Variants in AGO1 observed in about 807,000 individuals in gnomAD.
AGO1 encodes protein argonaute-1.
Under a neutral mutation model 109.2 loss-of-function variants are expected in AGO1, and 11 were observed. The ratio of observed to expected loss-of-function variants is 0.10; its 90% CI spans 0.06 to 0.17. The LOEUF is 0.17. Among genes scored for constraint, AGO1 ranks in the 10% least tolerant of loss-of-function variants. The pLI is 1.00. For missense variants in AGO1, 574 were observed against 1,140.3 expected (o/e 0.50, Z 7.15); for synonymous variants, 422 against 418.6 (o/e 1.01, Z -0.10).
At chr1:35,881,276 C>G (rs532265196), upstream of AGO1, among the ~76,000 whole-genome samples, 1 of 152,094 alleles carries the variant, frequency 6.6e-6, no homozygotes, top group Non-Finnish European at 1.5e-5. Context: ...CCTACTGAAT[C>G]GAAAACTCTA....
rs763454879 is a variant in AGO1 at position 35,883,259 on chromosome 1, C to A, written c.-163C>A. On this transcript the variant is annotated 5_prime_UTR_variant, in exon 1 of 19. Transcript: ENST00000373204. This position sits in a 1 kb window ranked among gnomAD's most constrained non-coding sequence, Gnocchi z 5.4. Reference sequence around the variant, plus strand: ...GTGGGAGCTGCTGCAGGCTCCGCGGCGGCGGCAACGGAGGCTGCGGGGGCG... The same window carrying A: ...GTGGGAGCTGCTGCAGGCTCCGCGGAGGCGGCAACGGAGGCTGCGGGGGCG... 1 of 1,350,808 alleles carries A rather than the reference C, an allele frequency of 7.4e-7. No homozygotes were observed. Among genetic ancestry groups the A allele is most frequent in the East Asian group, 3.2e-5 (1 of 31,184 alleles). 83.7% of individuals were successfully genotyped at this position (1,350,808 alleles called of 1,614,324 possible). A position where few individuals can be genotyped will look rare whatever the true frequency, so the allele number is the denominator to read the frequency against.
rs893706036 is a variant in AGO1 at position 35,926,851 on chromosome 1, T to C, written c.*7244T>C. On this transcript the variant is annotated 3_prime_UTR_variant, in exon 19 of 19. Coordinates refer to ENST00000373204, the MANE Select transcript of AGO1 (RefSeq NM_012199.5). ...TATCATACCAAGGTTTTTTAGGCCTTTGTGGCTTACCCTGCAGGAACATAC... is the reference window on the plus strand; with the variant it reads ...TATCATACCAAGGTTTTTTAGGCCTCTGTGGCTTACCCTGCAGGAACATAC... The C allele has an allele frequency of 5.3e-5, 8 of 152,164 alleles. No homozygotes were observed. The highest frequency in any genetic ancestry group is 1.7e-4 in the African/African-American group (7 of 41,440). 9.4% of individuals were successfully genotyped at this position (152,164 alleles called of 1,614,324 possible).
In AGO1 at chr1:35,893,383, A is replaced by T; in HGVS notation, c.512+105A>T. 1.6e-6 allele frequency: 2 copies of T among 1,276,740 alleles called. No individual in the cohort carries two copies. The highest frequency in any genetic ancestry group is 2.1e-6 in the Non-Finnish European group (2 of 932,056). The allele number at this position is 1,276,740 out of a possible 1,614,324, so 79.1% of individuals were successfully genotyped here. On this transcript the variant is annotated intron_variant, in intron 4 of 18. Coordinates refer to ENST00000373204, the MANE Select transcript of AGO1 (RefSeq NM_012199.5). The surrounding 1 kb of genome is among the most constrained non-coding windows in gnomAD (Gnocchi z 5.6). Reference sequence around the variant, plus strand: ...TCCCACAGAGTGCCATTAAAAAAAAAAATTATTTGAAGCCCTACCACTTGC... The same window carrying T: ...TCCCACAGAGTGCCATTAAAAAAAATAATTATTTGAAGCCCTACCACTTGC...
At chr1:35,904,395 G>A (rs1339719611) in intron 11 of AGO1, among the ~76,000 whole-genome samples, 10 of 152,230 alleles carry the variant, frequency 6.6e-5, no homozygotes, top group African/African-American at 1.7e-4. Flanking sequence ...GTGAGCCATC[G>A]TGCCTGGCCT....
At chr1:35,879,308 T>A (rs1435888007), upstream of AGO1, among the ~76,000 whole-genome samples, 2 of 151,168 alleles carry the variant, frequency 1.3e-5, no homozygotes, top group African/African-American at 4.9e-5. Context: ...ATTAGCCAGG[T>A]GTGGTGGTGC....
Position 35,901,478 on chromosome 1 carries a change from G to A in AGO1, c.1025G>A (p.Cys342Tyr). Residue 342 changes from cysteine (C) to tyrosine (Y), a missense_variant, in exon 9 of 19, where the codon TGT (cysteine) becomes TAT (tyrosine). Coordinates refer to ENST00000373204, the MANE Select transcript of AGO1 (RefSeq NM_012199.5). The surrounding 1 kb of genome is among the most constrained non-coding windows in gnomAD (Gnocchi z 4.8). ...QKHTYLPLEV[C>Y]NIVAGQRCIK... The stretch of plus-strand genomic sequence containing the variant: ...CTGTCCTTCTTGTTTCCTCAGGTCT[G>A]TAACATTGTGGCTGGGCAGCGCTGT... 1 of 1,614,040 alleles carries A rather than the reference G, an allele frequency of 6.2e-7. No individual in the cohort carries two copies. The highest frequency in any genetic ancestry group is 2.2e-5 in the East Asian group (1 of 44,868).
intron 11 of AGO1, among the ~76,000 whole-genome samples, chr1:35,903,132 G>T (rs1474481194): frequency 2.0e-5 from 3 of 149,902 alleles, no homozygotes; most frequent in Non-Finnish European, 4.4e-5. Flanking sequence ...TCAGCCTCCC[G>T]AGTAGCTGGG....
At position 35,923,570 on chromosome 1, in the gene AGO1, T is replaced by A. The variant is rs930497110; in HGVS notation, c.*3963T>A. 6.6e-6 allele frequency: 1 copy of A among 152,646 alleles called. No individual in the cohort carries two copies. The highest frequency in any genetic ancestry group is 2.4e-5 in the African/African-American group (1 of 41,466). The allele number at this position is 152,646 out of a possible 1,614,324, so 9.5% of individuals were successfully genotyped here. ...AGCTGGAATACCTTCCTTCTTAAAATCTGATCATGGCAGGGATATGCAGGG... is the reference window on the plus strand; with the variant it reads ...AGCTGGAATACCTTCCTTCTTAAAAACTGATCATGGCAGGGATATGCAGGG... On this transcript the variant is annotated 3_prime_UTR_variant, in exon 19 of 19. Transcript: ENST00000373204.
intron 12 of AGO1, among the ~76,000 whole-genome samples, chr1:35,912,460 C>T (rs1016899942): frequency 1.3e-5 from 2 of 151,748 alleles, no homozygotes; most frequent in South Asian, 2.1e-4. Flanking sequence ...TTTTGAGCAT[C>T]GAACCATGAG....
rs1295434292 is a variant in AGO1, at chr1:35,893,213, G to C, written c.447G>C (p.Gln149His). 1 of 1,614,000 alleles carries C rather than the reference G, an allele frequency of 6.2e-7. No homozygotes were observed. The highest frequency in any genetic ancestry group is 8.5e-7 in the Non-Finnish European group (1 of 1,180,016). ...TGCATGAGGCCCTGGTCAGCGGCCA[G>C]ATCCCTGTTCCCTTGGAGTCTGTGC... ...RMLHEALVSG[Q>H]IPVPLESVQA... Residue 149 changes from glutamine (Q) to histidine (H), a missense_variant, in exon 4 of 19, where the codon CAG becomes CAC. Around this residue, in one of 8 missense-constraint regions of AGO1, gnomAD observed 129 missense variants for 243.0 expected, o/e 0.53. Transcript: ENST00000373204. This position sits in a 1 kb window ranked among gnomAD's most constrained non-coding sequence, Gnocchi z 5.6.
chr1:35,907,182 T>A, intron 12 of AGO1, 63 bp downstream of exon 12: 1 of 1,437,772 alleles, frequency 7.0e-7, no homozygotes, highest in Non-Finnish European at 9.3e-7. Context: ...TTCCCTGGGG[T>A]CTCCTGGGAA....
chr1:35,893,660 C>T lies in AGO1; in HGVS notation c.513-14C>T. 1.9e-6 allele frequency: 3 copies of T among 1,603,918 alleles called. No individual in the cohort carries two copies. The highest frequency in any genetic ancestry group is 2.6e-6 in the Non-Finnish European group (3 of 1,173,902). ...CTGTGCCCGAGGGACCAGTTCTCTG[C>T]CTGTCCCTGCCAGGTACACCCCTGT... is the stretch of plus-strand genomic sequence containing the variant. On this transcript the variant is annotated splice_polypyrimidine_tract_variant and intron_variant, in intron 4 of 18. Transcript: ENST00000373204. This position sits in a 1 kb window ranked among gnomAD's most constrained non-coding sequence, Gnocchi z 5.6.
intron 8 of AGO1, among the ~76,000 whole-genome samples, chr1:35,898,750 C>A (rs561220442): frequency 6.6e-6 from 1 of 152,240 alleles, no homozygotes; most frequent in South Asian, 2.1e-4. Flanking sequence ...TGTGAAGATT[C>A]AATTAGAAAC....
At chr1:35,882,805 G>A (rs558598634), upstream of AGO1, 1 of 985,442 alleles carries the variant, frequency 1.0e-6, no homozygotes, top group South Asian at 4.7e-5. This position sits in a 1 kb window ranked among gnomAD's most constrained non-coding sequence, Gnocchi z 5.1. Context: ...AAGGCTTGAA[G>A]GATGAGGGTG....
Position 35,922,581 on chromosome 1 carries a change from T to A in AGO1, c.*2974T>A, listed in dbSNP as rs1645852241. On this transcript the variant is annotated 3_prime_UTR_variant, in exon 19 of 19. Transcript: ENST00000373204. ...CCTTTCCCTTTTCTTCTATTCACTCTGCTTGCTTGCTGGCCGGCCTGCCTG... is the reference window on the plus strand; with the variant it reads ...CCTTTCCCTTTTCTTCTATTCACTCAGCTTGCTTGCTGGCCGGCCTGCCTG... 6.5e-6 allele frequency: 1 copy of A among 153,380 alleles called. No individual in the cohort carries two copies. Among genetic ancestry groups the A allele is most frequent in the African/African-American group, 2.5e-5 (1 of 40,800 alleles). The allele number at this position is 153,380 out of a possible 1,614,324, so 9.5% of individuals were successfully genotyped here. A position where few individuals can be genotyped will look rare whatever the true frequency, so the allele number is the denominator to read the frequency against.
chr1:35,919,873 G>A lies in AGO1; in HGVS notation c.*266G>A. 2.2e-6 allele frequency: 1 copy of A among 456,444 alleles called. No homozygotes were observed. Among genetic ancestry groups the A allele is most frequent in the Non-Finnish European group, 4.0e-6 (1 of 252,224 alleles). The allele number at this position is 456,444 out of a possible 1,614,324, so 28.3% of individuals were successfully genotyped here. ...TGGCCCTGACCCCACTGGACCAAAA[G>A]GGGCAGCACTGGTGCCCACCATACA... On this transcript the variant is annotated 3_prime_UTR_variant, in exon 19 of 19. Transcript: ENST00000373204. This position sits in a 1 kb window ranked among gnomAD's most constrained non-coding sequence, Gnocchi z 6.6.
chr1:35,886,154 G>T (rs988754446), intron 1 of AGO1, among the ~76,000 whole-genome samples: 1 of 152,088 alleles, frequency 6.6e-6, no homozygotes, highest in East Asian at 1.9e-4. Context: ...CCTTGCTTTT[G>T]TCTGAAGAGA....
chr1:35,882,023 G>A (rs1401384335), upstream of AGO1, among the ~76,000 whole-genome samples: 1 of 152,244 alleles, frequency 6.6e-6, no homozygotes, highest in East Asian at 1.9e-4. The surrounding 1 kb of genome is among the most constrained non-coding windows in gnomAD (Gnocchi z 5.1). Flanking sequence ...AGGTAAACAT[G>A]TCAAGACGTG....
At chr1:35,911,795 T>C (rs1409859464) in intron 12 of AGO1, among the ~76,000 whole-genome samples, 1 of 152,160 alleles carries the variant, frequency 6.6e-6, no homozygotes, top group Non-Finnish European at 1.5e-5. Context: ...AATCTTAATA[T>C]CACTAACTCC....
Sources: allele counts gnomAD v4.1 joint callset (sites outside exome capture counted in the v4.1 genomes callset), GRCh38; gene constraint gnomAD v4.1.1; regional missense constraint gnomAD v4.1.1; non-coding constraint Gnocchi (gnomAD v3.1); transcripts MANE v1.5; gene names NCBI Gene and HGNC (gene_info 2026-07-23, HGNC 2026-07-21).